Variants in SCAMP1 observed in about 807,000 individuals in gnomAD.
The protein encoded by SCAMP1 is secretory carrier membrane protein 1.
SCAMP1 carries 15 observed loss-of-function variants against 41.8 expected under a neutral mutation model. The ratio of observed to expected loss-of-function variants is 0.36; its 90% CI spans 0.24 to 0.55. The LOEUF (loss-of-function observed/expected upper bound fraction) is 0.55. SCAMP1 is among the 20% of genes least tolerant of loss of function. The pLI is 0.86. For missense variants in SCAMP1, 341 were observed against 412.6 expected, an observed-to-expected ratio of 0.83 and a Z score of 1.50; for synonymous variants, 135 against 136.8, an observed-to-expected ratio of 0.99 and a Z score of 0.09.
chr5:78,417,786 G>A (rs1314276780), intron 4 of SCAMP1, among the ~76,000 whole-genome samples: 1 of 152,112 alleles, frequency 6.6e-6, no homozygotes, highest in Non-Finnish European at 1.5e-5. Flanking sequence ...TTCTCAAATA[G>A]TATGAGATTG....
chr5:78,460,186 C>T (rs1753548786), intron 8 of SCAMP1, among the ~76,000 whole-genome samples: 1 of 152,172 alleles, frequency 6.6e-6, no homozygotes, highest in Non-Finnish European at 1.5e-5. Context: ...TGTGACTTTG[C>T]TATTGTGACT....
At position 78,384,171 on chromosome 5, in the gene SCAMP1, GTTTTTTTTC is replaced by G. The variant is rs796634003; in HGVS notation, c.58-4657_58-4649del. ...CCTCTTTGGTTAGGTATATTCCCAA[GTTTTTTTTC>G]TTTTTTTTTTTTTGCAGCTATTTTA... On this transcript the variant is annotated intron_variant, in intron 1 of 8. Transcript: ENST00000621999. 8.7e-4 allele frequency among the ~76,000 whole-genome samples: 60 copies of G among 68,848 alleles called. 2 individuals carry two copies. In the East Asian group the frequency reaches 0.015, roughly 17 times the overall value. 45.2% of individuals were successfully genotyped at this position (68,848 alleles called of 152,430 possible).
At chr5:78,360,883 C>T (rs528151463) in intron 1 of SCAMP1, 155 bp downstream of exon 1, 69 of 699,910 alleles carry the variant, frequency 9.9e-5, no homozygotes, top group Admixed American at 6.4e-4. Flanking sequence ...GGTCGCGCCC[C>T]GGCCCCGTGT....
At chr5:78,469,891 A>T (rs867406678) in intron 8 of SCAMP1, among the ~76,000 whole-genome samples, 4 of 23,158 alleles carry the variant, frequency 1.7e-4, no homozygotes, top group African/African-American at 1.6e-3. Context: ...ACAAGACATT[A>T]AAAAAAAAAA....
rs114316594 is a variant in SCAMP1 at position 78,427,165 on chromosome 5, A to G, written c.632+5205A>G. Among the ~76,000 whole-genome samples, 793 of 152,356 alleles carry G rather than the reference A, an allele frequency of 5.2e-3. 10 individuals carry two copies. Among genetic ancestry groups the G allele is most frequent in the African/African-American group, 0.018 (761 of 41,598 alleles). On this transcript the variant is annotated intron_variant, in intron 6 of 8. Transcript: ENST00000621999. ...AGCATTTGCTTCTAGTGAGGACCTC[A>G]GATTGCTTCTCCTTATGGTGGAAAG...
chr5:78,429,517 T>C (rs2112162685), intron 6 of SCAMP1, among the ~76,000 whole-genome samples: 1 of 152,210 alleles, frequency 6.6e-6, no homozygotes, highest in East Asian at 1.9e-4. Flanking sequence ...ATTTCTGGCA[T>C]ACTTTCCATT....
intron 6 of SCAMP1, among the ~76,000 whole-genome samples, chr5:78,438,383 A>C (rs1450593009): frequency 6.6e-6 from 1 of 152,178 alleles, no homozygotes; most frequent in African/African-American, 2.4e-5. Flanking sequence ...ACACTGCTTT[A>C]AATGTGTCCT....
intron 5 of SCAMP1, among the ~76,000 whole-genome samples, chr5:78,419,699 A>G (rs967916771): frequency 6.6e-6 from 1 of 152,168 alleles, no homozygotes; most frequent in African/African-American, 2.4e-5. Context: ...TACATTCTTG[A>G]TGGAGGAAAT....
At chr5:78,452,929 T>C (rs1243488326) in intron 7 of SCAMP1, among the ~76,000 whole-genome samples, 1 of 150,492 alleles carries the variant, frequency 6.6e-6, no homozygotes, top group South Asian at 2.1e-4. Flanking sequence ...TGCATTTCTC[T>C]GATGGCCACT....
At chr5:78,458,867 G>A (rs1053888126) in intron 7 of SCAMP1, among the ~76,000 whole-genome samples, 1 of 152,116 alleles carries the variant, frequency 6.6e-6, no homozygotes, top group Non-Finnish European at 1.5e-5. Context: ...GCAACAGAGC[G>A]AGCTTCTGTC....
intron 2 of SCAMP1, among the ~76,000 whole-genome samples, chr5:78,392,676 G>A (rs1457259096): frequency 6.6e-6 from 1 of 152,158 alleles, no homozygotes; most frequent in African/African-American, 2.4e-5. Flanking sequence ...ACAGTGATAT[G>A]GTGTCAGAAC....
At chr5:78,372,207 T>A (rs1239270969) in intron 1 of SCAMP1, among the ~76,000 whole-genome samples, 1 of 152,216 alleles carries the variant, frequency 6.6e-6, no homozygotes, top group Non-Finnish European at 1.5e-5. Context: ...TTAGAATTCT[T>A]ATATGATAAT....
intron 6 of SCAMP1, among the ~76,000 whole-genome samples, chr5:78,428,802 G>A (rs1752528763): frequency 6.6e-6 from 1 of 152,014 alleles, no homozygotes; most frequent in Admixed American, 6.6e-5. Context: ...ATGTTCTTCA[G>A]TTTTAATTGC....
intron 2 of SCAMP1, among the ~76,000 whole-genome samples, chr5:78,401,684 T>C (rs1408042383): frequency 6.6e-6 from 1 of 152,162 alleles, no homozygotes; most frequent in Non-Finnish European, 1.5e-5. Context: ...TGTCTCTTCC[T>C]TCATTTCTGA....
chr5:78,405,686 T>C (rs1363009715), intron 2 of SCAMP1, among the ~76,000 whole-genome samples: 1 of 152,234 alleles, frequency 6.6e-6, no homozygotes, highest in African/African-American at 2.4e-5. Context: ...CCTATTTTGT[T>C]CATTAATGTA....
intron 1 of SCAMP1, among the ~76,000 whole-genome samples, chr5:78,387,961 G>A (rs967999741): frequency 1.3e-5 from 2 of 152,194 alleles, no homozygotes; most frequent in African/African-American, 4.8e-5. Context: ...TGCAGTAGTA[G>A]GAGGAGGATC....
At position 78,438,937 on chromosome 5, in the gene SCAMP1, C is replaced by T. The variant is rs112812037; in HGVS notation, c.633-10996C>T. Among the ~76,000 whole-genome samples the T allele has an allele frequency of 1.9e-3, 284 of 152,304 alleles. 1 individual carries two copies. The highest frequency in any genetic ancestry group is 6.1e-3 in the African/African-American group (252 of 41,562). On this transcript the variant is annotated intron_variant, in intron 6 of 8. Transcript: ENST00000621999. Reference sequence around the variant, plus strand: ...TATATATTTAGGATAGTTAGCTCTTCTTGTTGAATTGATCTGTTTACCATT... The same window carrying T: ...TATATATTTAGGATAGTTAGCTCTTTTTGTTGAATTGATCTGTTTACCATT...
At chr5:78,467,087 A>G (rs1753767607) in intron 8 of SCAMP1, among the ~76,000 whole-genome samples, 1 of 152,226 alleles carries the variant, frequency 6.6e-6, no homozygotes, top group Non-Finnish European at 1.5e-5. Context: ...CTGGTGGGGC[A>G]TTAAAATATA....
intron 1 of SCAMP1, among the ~76,000 whole-genome samples, chr5:78,374,742 A>G (rs1751023607): frequency 6.6e-6 from 1 of 152,110 alleles, no homozygotes; most frequent in African/African-American, 2.4e-5. Flanking sequence ...CTTGGGCATG[A>G]TTGCTTTAGT....
Sources: allele counts gnomAD v4.1 joint callset (sites outside exome capture counted in the v4.1 genomes callset), GRCh38; gene constraint gnomAD v4.1.1; transcripts MANE v1.5; gene names NCBI Gene and HGNC (gene_info 2026-07-23, HGNC 2026-07-21).